The following EMP2 variants were observed in gnomAD, a reference collection of about 807,000 sequenced individuals.
EMP2 encodes the protein epithelial membrane protein 2.
A neutral mutation model predicts 13.7 loss-of-function variants in EMP2; 19 were observed. That is an observed-to-expected ratio of 1.38 (90% CI 0.97 to 2.03). The LOEUF (loss-of-function observed/expected upper bound fraction) is 2.03. EMP2 is among the 30% of genes most tolerant of loss of function. The pLI is 0.00. For missense variants in EMP2, 253 were observed against 220.7 expected, an observed-to-expected ratio of 1.15 and a Z score of -0.93; for synonymous variants, 97 against 84.7, an observed-to-expected ratio of 1.15 and a Z score of -0.80.
intron 1 of EMP2, among the ~76,000 whole-genome samples, chr16:10,561,242 G>A (rs2050869094): frequency 6.6e-6 from 1 of 152,200 alleles, no homozygotes; most frequent in African/African-American, 2.4e-5. Flanking sequence ...ATGTTTGAAG[G>A]ATGAGGGAAA....
At chr16:10,556,848 ACT>A (rs1449799706) in intron 1 of EMP2, among the ~76,000 whole-genome samples, 1 of 151,982 alleles carries the variant, frequency 6.6e-6, no homozygotes, top group Non-Finnish European at 1.5e-5. Context: ...TTTTTATACG[ACT>A]CTCTTTCCTC....
chr16:10,567,201 G>C (rs13332177), intron 1 of EMP2, among the ~76,000 whole-genome samples: 1 of 152,094 alleles, frequency 6.6e-6, no homozygotes, highest in Non-Finnish European at 1.5e-5. Flanking sequence ...GATTTATGTC[G>C]GTCTCATCAC....
At chr16:10,540,531 T>TAAATAAATAA (rs2050687486) in intron 3 of EMP2, among the ~76,000 whole-genome samples, 2 of 151,512 alleles carry the variant, frequency 1.3e-5, no homozygotes, top group Non-Finnish European at 2.9e-5. Flanking sequence ...AATAAACAAA[T>TAAATAAATAA]AAATAAATAG....
chr16:10,542,810 G>C (rs188042998), intron 3 of EMP2, among the ~76,000 whole-genome samples: 1 of 152,196 alleles, frequency 6.6e-6, no homozygotes, highest in South Asian at 2.1e-4. Context: ...CCAATGCAAG[G>C]CTACACAGCT....
chr16:10,540,374 C>A (rs530638865), intron 3 of EMP2, among the ~76,000 whole-genome samples: 1 of 152,080 alleles, frequency 6.6e-6, no homozygotes, highest in African/African-American at 2.4e-5. Context: ...GGTGTGGTGG[C>A]ACACACCTGT....
intron 4 of EMP2, among the ~76,000 whole-genome samples, chr16:10,535,846 G>A (rs376421434): frequency 6.6e-6 from 1 of 152,164 alleles, no homozygotes; most frequent in Non-Finnish European, 1.5e-5. Flanking sequence ...CCTCGCCCAG[G>A]GTCCTTGGGA....
intron 1 of EMP2, among the ~76,000 whole-genome samples, chr16:10,560,125 C>T (rs1371103183): frequency 6.6e-6 from 1 of 152,180 alleles, no homozygotes; most frequent in Non-Finnish European, 1.5e-5. Flanking sequence ...TCTGAATTTC[C>T]CTTCCCTTTT....
chr16:10,551,030 T>C (rs966666119), intron 1 of EMP2, among the ~76,000 whole-genome samples: 2 of 152,048 alleles, frequency 1.3e-5, no homozygotes, highest in Admixed American at 6.5e-5. Flanking sequence ...ACATTTACTA[T>C]TAGTGTAAAT....
intron 3 of EMP2, among the ~76,000 whole-genome samples, chr16:10,541,011 C>T (rs988068851): frequency 6.6e-6 from 1 of 152,026 alleles, no homozygotes. Flanking sequence ...TCACTCGAAC[C>T]TGGGGGGCAG....
intron 2 of EMP2, chr16:10,544,943 A>C (rs2050728787): frequency 6.6e-6 from 1 of 152,188 alleles, no homozygotes; most frequent in Non-Finnish European, 1.5e-5. Flanking sequence ...TCCTGTCTTC[A>C]GCCAAAAGCA....
chr16:10,535,935 T>A (rs1440399612), intron 4 of EMP2, among the ~76,000 whole-genome samples: 1 of 152,070 alleles, frequency 6.6e-6, no homozygotes, highest in Admixed American at 6.6e-5. Flanking sequence ...GGAGTACAAA[T>A]CCCCAGGCTC....
intron 1 of EMP2, among the ~76,000 whole-genome samples, chr16:10,578,428 G>T (rs1409007390): frequency 3.3e-5 from 5 of 152,290 alleles, no homozygotes; most frequent in African/African-American, 1.2e-4. Context: ...GTGGAGAAGC[G>T]GGGGCGGTTT....
chr16:10,533,836 G>A lies in EMP2; in HGVS notation c.317-744C>T, dbSNP rs541914748. ...AGTGAAAAATATGACTCCCTGGGCC[G>A]GACACGGTGACTCATGCCTGTAATC... On this transcript the variant is annotated intron_variant, in intron 4 of 4. Coordinates refer to ENST00000359543, the MANE Select transcript of EMP2 (RefSeq NM_001424.6). 3.5e-4 allele frequency among the ~76,000 whole-genome samples: 54 copies of A among 152,144 alleles called. 1 individual carries two copies. The highest frequency in any genetic ancestry group is 1.1e-3 in the African/African-American group (46 of 41,494).
In EMP2 at chr16:10,579,710, A is replaced by ACG. The variant is rs1463072242; in HGVS notation, c.-61+838_-61+839insCG. On this transcript the variant is annotated intron_variant, in intron 1 of 4. Coordinates refer to ENST00000359543, the MANE Select transcript of EMP2 (RefSeq NM_001424.6). ...CAGCTGAATTATAAGATCAAGGTGCACACACACACACACACACACACACAC... is the reference window on the plus strand; with the variant it reads ...CAGCTGAATTATAAGATCAAGGTGCACGCACACACACACACACACACACACAC... Among the ~76,000 whole-genome samples the ACG allele has an allele frequency of 3.7e-4, 9 of 24,262 alleles. No homozygotes were observed. In the South Asian group the frequency reaches 0.011, roughly 30 times the overall value. The allele number at this position is 24,262 out of a possible 152,430, so 15.9% of individuals were successfully genotyped here. A position where few individuals can be genotyped will look rare whatever the true frequency, so the allele number is the denominator to read the frequency against.
At chr16:10,547,446 C>T in intron 2 of EMP2, 94 bp downstream of exon 2, 1 of 1,319,878 alleles carries the variant, frequency 7.6e-7, no homozygotes, top group Non-Finnish European at 1.1e-6. Flanking sequence ...CTCTGGTATG[C>T]CTTTATCAGC....
At chr16:10,541,409 G>A (rs1286466558) in intron 3 of EMP2, among the ~76,000 whole-genome samples, 3 of 151,902 alleles carry the variant, frequency 2.0e-5, no homozygotes, top group African/African-American at 7.3e-5. Context: ...TTTTAGGGGT[G>A]TGTGTGTGTG....
intron 1 of EMP2, among the ~76,000 whole-genome samples, chr16:10,573,084 C>A (rs1465337561): frequency 2.6e-5 from 4 of 152,166 alleles, no homozygotes; most frequent in Non-Finnish European, 5.9e-5. Context: ...GGGTCTTGCT[C>A]TGTCACCCAG....
At chr16:10,548,604 G>T (rs748515248) in intron 1 of EMP2, among the ~76,000 whole-genome samples, 3 of 151,880 alleles carry the variant, frequency 2.0e-5, no homozygotes, top group Admixed American at 6.6e-5. Context: ...TAAGACAGAA[G>T]GATTGCTTGA....
chr16:10,540,364 G>C (rs1378000410), intron 3 of EMP2, among the ~76,000 whole-genome samples: 1 of 152,050 alleles, frequency 6.6e-6, no homozygotes, highest in Non-Finnish European at 1.5e-5. Flanking sequence ...AAATTAGCTG[G>C]GTGTGGTGGC....
Sources: allele counts gnomAD v4.1 joint callset (sites outside exome capture counted in the v4.1 genomes callset), GRCh38; gene constraint gnomAD v4.1.1; transcripts MANE v1.5; gene names NCBI Gene and HGNC (gene_info 2026-07-23, HGNC 2026-07-21).